The following ZNF385D variants were observed in gnomAD, a reference collection of about 807,000 sequenced individuals.
The protein encoded by ZNF385D is zinc finger protein 385D.
Under a neutral mutation model 35.8 loss-of-function variants are expected in ZNF385D, and 15 were observed. The ratio of observed to expected loss-of-function variants is 0.42; its 90% confidence interval spans 0.28 to 0.64. The LOEUF (loss-of-function observed/expected upper bound fraction) is 0.64. Ranked by LOEUF, ZNF385D falls within the 30% of genes least tolerant of loss-of-function variation. The pLI is 0.23. For synonymous variants in ZNF385D, 212 were observed against 186.8 expected (o/e 1.13, Z -1.10); for missense variants, 474 against 494.6 (o/e 0.96, Z 0.39).
At chr3:21,876,066 CA>C (rs2125855041) in intron 3 of ZNF385D, among the ~76,000 whole-genome samples, 1 of 152,150 alleles carries the variant, frequency 6.6e-6, no homozygotes, top group East Asian at 1.9e-4. Flanking sequence ...TACTGCTTTA[CA>C]GTCTCCCAAA....
chr3:21,479,811 T>A (rs1704490668), intron 4 of ZNF385D, among the ~76,000 whole-genome samples: 1 of 152,188 alleles, frequency 6.6e-6, no homozygotes, highest in Non-Finnish European at 1.5e-5. Context: ...TAATATTACT[T>A]GATTTGACAG....
chr3:22,144,176 A>G (rs960248962), intron 3 of ZNF385D, among the ~76,000 whole-genome samples: 6 of 152,246 alleles, frequency 3.9e-5, no homozygotes, highest in Non-Finnish European at 8.8e-5. Flanking sequence ...AGTAGTTATA[A>G]TTTTACAAAA....
intron 3 of ZNF385D, among the ~76,000 whole-genome samples, chr3:22,025,494 G>A (rs1190071680): frequency 2.0e-5 from 3 of 152,172 alleles, no homozygotes; most frequent in African/African-American, 7.2e-5. Context: ...GATTTTAAGG[G>A]TATGGAATAA....
At chr3:21,810,373 C>A (rs1157689029) in intron 3 of ZNF385D, among the ~76,000 whole-genome samples, 3 of 102,734 alleles carry the variant, frequency 2.9e-5, no homozygotes, top group South Asian at 6.9e-4. Flanking sequence ...TGGGGCCTGT[C>A]GGGGGTGGGG....
At chr3:22,159,983 G>A (rs556704583) in intron 3 of ZNF385D, among the ~76,000 whole-genome samples, 18 of 151,980 alleles carry the variant, frequency 1.2e-4, no homozygotes, top group Non-Finnish European at 2.5e-4. Context: ...CAATCCCCAC[G>A]TGTCAAAGGA....
At chr3:22,115,947 C>G (rs749174261) in intron 3 of ZNF385D, among the ~76,000 whole-genome samples, 10 of 152,008 alleles carry the variant, frequency 6.6e-5, no homozygotes, top group Admixed American at 2.0e-4. Context: ...GAGGTTGCAG[C>G]CACGACCACT....
chr3:21,447,105 A>G (rs1702196158), intron 4 of ZNF385D, among the ~76,000 whole-genome samples: 1 of 152,216 alleles, frequency 6.6e-6, no homozygotes. Flanking sequence ...TAAGATTGTT[A>G]GGCCTTGTTC....
At chr3:22,281,183 A>G (rs1000470122) in intron 2 of ZNF385D, among the ~76,000 whole-genome samples, 20 of 152,088 alleles carry the variant, frequency 1.3e-4, no homozygotes, top group Non-Finnish European at 1.2e-4. Context: ...ATCAGCAAAC[A>G]GTGACAGTTT....
chr3:21,840,432 A>G (rs1207796279), intron 3 of ZNF385D, among the ~76,000 whole-genome samples: 1 of 152,070 alleles, frequency 6.6e-6, no homozygotes, highest in Non-Finnish European at 1.5e-5. Flanking sequence ...CTATTCCCTG[A>G]TATCTTCATA....
chr3:21,652,466 TA>T (rs2065945231), intron 2 of ZNF385D, among the ~76,000 whole-genome samples: 1 of 152,154 alleles, frequency 6.6e-6, no homozygotes, highest in African/African-American at 2.4e-5. Flanking sequence ...AGTATTAATA[TA>T]TTTTTTTAAT....
intron 3 of ZNF385D, among the ~76,000 whole-genome samples, chr3:21,798,163 T>G (rs981600373): frequency 6.6e-6 from 1 of 152,192 alleles, no homozygotes; most frequent in African/African-American, 2.4e-5. Context: ...TACCTGCCTT[T>G]TAATTTTCCT....
chr3:22,164,676 A>G (rs181111296), intron 3 of ZNF385D, among the ~76,000 whole-genome samples: 230 of 151,816 alleles, frequency 1.5e-3, no homozygotes, highest in Non-Finnish European at 2.4e-3. Context: ...TCAAGTGGAT[A>G]AATTGTTTCC....
intron 5 of ZNF385D, among the ~76,000 whole-genome samples, chr3:21,435,384 A>C (rs1575139099): frequency 1.3e-5 from 2 of 150,820 alleles, no homozygotes; most frequent in Non-Finnish European, 2.9e-5. Flanking sequence ...CAGCCTGCTG[A>C]GTAGCTGCAA....
At chr3:22,117,352 G>C (rs371482012) in intron 3 of ZNF385D, among the ~76,000 whole-genome samples, 26 of 152,104 alleles carry the variant, frequency 1.7e-4, no homozygotes, top group Middle Eastern at 3.4e-3. Context: ...CTCTGAAACT[G>C]AATGAGTAAA....
At chr3:22,044,444 CA>C (rs1441931450) in intron 3 of ZNF385D, among the ~76,000 whole-genome samples, 3 of 151,792 alleles carry the variant, frequency 2.0e-5, no homozygotes, top group Non-Finnish European at 2.9e-5. Context: ...GCAAGGCAAA[CA>C]AAAACAAAAA....
At chr3:21,804,873 AG>A (rs2072567774) in intron 3 of ZNF385D, among the ~76,000 whole-genome samples, 2 of 151,842 alleles carry the variant, frequency 1.3e-5, no homozygotes. Context: ...CACTATTATA[AG>A]AAAGAACGTT....
chr3:21,666,319 C>T (rs1194355867), intron 1 of ZNF385D, among the ~76,000 whole-genome samples: 3 of 152,160 alleles, frequency 2.0e-5, no homozygotes, highest in Non-Finnish European at 2.9e-5. Flanking sequence ...AAGCCATCAG[C>T]ACAGGATTTA....
At chr3:22,304,361 A>C (rs34747462) in intron 2 of ZNF385D, among the ~76,000 whole-genome samples, 28,436 of 152,090 alleles carry the variant, frequency 0.19, 3,421 homozygotes, top group Non-Finnish European at 0.26. Context: ...GCTTATATTT[A>C]AGATTCTTGA....
At chr3:21,809,050 A>C (rs2072784108) in intron 3 of ZNF385D, among the ~76,000 whole-genome samples, 1 of 152,216 alleles carries the variant, frequency 6.6e-6, no homozygotes, top group African/African-American at 2.4e-5. Flanking sequence ...AATATATGGA[A>C]TATAATGATA....
Sources: allele counts gnomAD v4.1 joint callset (sites outside exome capture counted in the v4.1 genomes callset), GRCh38; gene constraint gnomAD v4.1.1; transcripts MANE v1.5; gene names NCBI Gene and HGNC (gene_info 2026-07-23, HGNC 2026-07-21).